TCP11L1: variants seen among roughly 807,000 people sequenced by gnomAD.
TCP11L1 encodes the protein T-complex protein 11-like protein 1.
TCP11L1 carries 28 observed loss-of-function variants against 48.9 expected under a neutral mutation model. That is an observed-to-expected ratio of 0.57 (90% CI 0.42 to 0.78). The LOEUF (loss-of-function observed/expected upper bound fraction) is 0.78, where lower values mean the gene tolerates loss of function less well. Among genes scored for constraint, TCP11L1 ranks in the 30% least tolerant of loss-of-function variants. The pLI is 0.00. For missense variants in TCP11L1, 505 were observed against 613.4 expected, an observed-to-expected ratio of 0.82 and a Z score of 1.87; for synonymous variants, 204 against 231.9, an observed-to-expected ratio of 0.88 and a Z score of 1.09.
Position 33,073,433 on chromosome 11 carries a change from G to A in TCP11L1, c.*757G>A, listed in dbSNP as rs1267427229. On this transcript the variant is annotated 3_prime_UTR_variant, in exon 10 of 10. Transcript: ENST00000334274. ...AGTCTTTGACTTTCAAGCCTTGAAA[G>A]TCAAGGAGGAAATGTATTGAAAAAT... is the stretch of plus-strand genomic sequence containing the variant. 4 of 152,098 alleles carry A rather than the reference G, an allele frequency of 2.6e-5. No individual in the cohort carries two copies. The highest frequency in any genetic ancestry group is 4.4e-5 in the Non-Finnish European group (3 of 68,018). 9.4% of individuals were successfully genotyped at this position (152,098 alleles called of 1,614,324 possible).
chr11:33,043,889 C>T lies in TCP11L1; in HGVS notation c.116C>T (p.Ala39Val). 1.9e-6 allele frequency: 3 copies of T among 1,613,616 alleles called. No homozygotes were observed. The highest frequency in any genetic ancestry group is 2.5e-6 in the Non-Finnish European group (3 of 1,179,808). ...GGTGCTGATGAAGCCTTACAAAAAGCAATAAAGTCAGACTCCTCCAGCCCC... is the reference window on the plus strand; with the variant it reads ...GGTGCTGATGAAGCCTTACAAAAAGTAATAAAGTCAGACTCCTCCAGCCCC... ...VEGADEALQK[A>V]IKSDSSSPQR... Residue 39 changes from alanine (A) to valine (V), a missense_variant, in exon 2 of 10, where the codon GCA (alanine) becomes GTA (valine). Around this residue, in one of 3 missense-constraint regions of TCP11L1, gnomAD observed 168 missense variants for 183.5 expected, o/e 0.92. Transcript: ENST00000334274.
In TCP11L1 at chr11:33,068,877, A is replaced by G; in HGVS notation, c.1327+18A>G. The G allele has an allele frequency of 6.2e-7, 1 of 1,606,218 alleles. No homozygotes were observed. Among genetic ancestry groups the G allele is most frequent in the Non-Finnish European group, 8.5e-7 (1 of 1,173,930 alleles). On this transcript the variant is annotated intron_variant, in intron 9 of 9. Coordinates refer to ENST00000334274, the MANE Select transcript of TCP11L1 (RefSeq NM_018393.4). ...GATCATGGGTACGTTTGGGGAAGGC[A>G]GGCAGCAGGGATGTGCCCTCTGAGG...
chr11:33,066,487 G>T (rs1470624765), intron 8 of TCP11L1, among the ~76,000 whole-genome samples: 1 of 152,094 alleles, frequency 6.6e-6, no homozygotes, highest in African/African-American at 2.4e-5. Context: ...GAGCAGGGTG[G>T]GGAGCGCTGG....
In TCP11L1 at chr11:33,063,002, A is replaced by G. The variant is rs114540355; in HGVS notation, c.972+1276A>G. The stretch of plus-strand genomic sequence containing the variant: ...AGCCTCCTGGGTAGCTAGGACTACA[A>G]GAGTGTACCACCACCCCCAGCTAAT... On this transcript the variant is annotated intron_variant, in intron 7 of 9. Transcript: ENST00000334274. Among the ~76,000 whole-genome samples, 960 of 152,220 alleles carry G rather than the reference A, an allele frequency of 6.3e-3. 5 individuals carry two copies. The highest frequency in any genetic ancestry group is 0.022 in the African/African-American group (899 of 41,514).
Position 33,066,005 on chromosome 11 carries a change from A to G in TCP11L1, c.1148A>G (p.His383Arg). 6.3e-7 allele frequency: 1 copy of G among 1,592,772 alleles called. No individual in the cohort carries two copies. Among genetic ancestry groups the G allele is most frequent in the Non-Finnish European group, 8.5e-7 (1 of 1,170,860 alleles). The change falls in exon 8 of 10, where the codon CAC (histidine) becomes CGC (arginine). Residue 383 changes from histidine (H) to arginine (R), a missense_variant. Physicochemically the swap from His to Arg is conservative, Grantham distance 29 (BLOSUM62 0). This residue lies in a region of TCP11L1 where 335 missense variants were observed against 413.3 expected (regional missense o/e 0.81). Transcript: ENST00000334274. ...GTGAAGATTTTGCTAACAGATATGC[A>G]CCTGCCGTAAGTGGAACTTTGATGC... ...MIVKILLTDM[H>R]LPSFHLKDVL...
At chr11:33,068,554 A>G in intron 8 of TCP11L1, 133 bp from the exon 9 acceptor site, 1 of 1,124,096 alleles carries the variant, frequency 8.9e-7, no homozygotes. Context: ...GTGGCAGGGA[A>G]AAGAGTCTCA....
chr11:33,056,134 G>C (rs1229071098), intron 3 of TCP11L1, among the ~76,000 whole-genome samples: 1 of 151,964 alleles, frequency 6.6e-6, no homozygotes, highest in Non-Finnish European at 1.5e-5. Flanking sequence ...TTTTGAGACG[G>C]AATCTTGCTC....
At chr11:33,044,539 C>G (rs756772894) in intron 2 of TCP11L1, among the ~76,000 whole-genome samples, 2 of 152,132 alleles carry the variant, frequency 1.3e-5, no homozygotes, top group Non-Finnish European at 1.5e-5. Flanking sequence ...TCCAAAAATG[C>G]AAGTTTTTAA....
intron 6 of TCP11L1, among the ~76,000 whole-genome samples, chr11:33,060,125 G>A (rs1219650848): frequency 6.6e-6 from 1 of 152,100 alleles, no homozygotes; most frequent in Non-Finnish European, 1.5e-5. Flanking sequence ...TGTTTTCTTT[G>A]AGATAGAGTC....
chr11:33,040,705 C>G (rs1853805408), intron 1 of TCP11L1: 1 of 152,178 alleles, frequency 6.6e-6, no homozygotes, highest in Admixed American at 6.6e-5. Flanking sequence ...CTAGCCACTT[C>G]CTTTTCTCAT....
chr11:33,057,333 A>T, intron 4 of TCP11L1, 98 bp downstream of exon 4: 1 of 1,557,144 alleles, frequency 6.4e-7, no homozygotes, highest in Non-Finnish European at 8.7e-7. Context: ...AAATTGAAGG[A>T]TCAAGAAGTT....
chr11:33,056,964 C>A (rs1206141241), intron 3 of TCP11L1, 151 bp from the exon 4 acceptor site: 2 of 1,069,266 alleles, frequency 1.9e-6, no homozygotes, highest in Non-Finnish European at 2.7e-6. Flanking sequence ...AAAGTATGCC[C>A]TCAGTTGAAG....
At chr11:33,059,155 A>G (rs542352289) in intron 6 of TCP11L1, 60 bp downstream of exon 6, 43 of 1,589,290 alleles carry the variant, frequency 2.7e-5, no homozygotes, top group Middle Eastern at 3.4e-4. Flanking sequence ...TTTAGCTGCC[A>G]TAGCTTGTTG....
chr11:33,058,546 T>A (rs1156891031), intron 5 of TCP11L1, among the ~76,000 whole-genome samples: 2 of 99,754 alleles, frequency 2.0e-5, no homozygotes, highest in Admixed American at 2.0e-4. Context: ...ACTCATGGAT[T>A]TAAAAAAAAA....
At chr11:33,064,945 C>A (rs138671585) in intron 7 of TCP11L1, among the ~76,000 whole-genome samples, 1 of 152,214 alleles carries the variant, frequency 6.6e-6, no homozygotes, top group Admixed American at 6.5e-5. Flanking sequence ...CACCCACCAT[C>A]GCACCTGGCC....
intron 8 of TCP11L1, among the ~76,000 whole-genome samples, chr11:33,066,496 G>C (rs1273907761): frequency 6.6e-6 from 1 of 152,106 alleles, no homozygotes; most frequent in African/African-American, 2.4e-5. Context: ...GGGGAGCGCT[G>C]GTACCAATGG....
chr11:33,049,461 ACCTGCAC>A (rs1854093759), intron 2 of TCP11L1, among the ~76,000 whole-genome samples: 2 of 152,118 alleles, frequency 1.3e-5, no homozygotes, highest in Admixed American at 1.3e-4. Context: ...GGCCCAGGGG[ACCTGCAC>A]CCTGTCTCTG....
chr11:33,072,807 A>G lies in TCP11L1; in HGVS notation c.*131A>G, dbSNP rs1854836283. The G allele has an allele frequency of 1.0e-6, 1 of 967,908 alleles. No individual in the cohort carries two copies. Among genetic ancestry groups the G allele is most frequent in the Admixed American group, 2.3e-5 (1 of 44,360 alleles). 60.0% of individuals were successfully genotyped at this position (967,908 alleles called of 1,614,324 possible). ...CAGCACCGATTCCAAAGGGAAGAAT[A>G]TTGTGTATCACTGTTGAAAAGACTT... On this transcript the variant is annotated 3_prime_UTR_variant, in exon 10 of 10. Transcript: ENST00000334274.
intron 2 of TCP11L1, among the ~76,000 whole-genome samples, chr11:33,048,203 G>A (rs903363545): frequency 2.7e-5 from 4 of 145,904 alleles, no homozygotes; most frequent in African/African-American, 7.7e-5. Flanking sequence ...TTTTAAGACC[G>A]GATCACTCTA....
Sources: allele counts gnomAD v4.1 joint callset (sites outside exome capture counted in the v4.1 genomes callset), GRCh38; gene constraint gnomAD v4.1.1; regional missense constraint gnomAD v4.1.1; transcripts MANE v1.5; gene names NCBI Gene and HGNC (gene_info 2026-07-23, HGNC 2026-07-21).